TMIE: variants seen among roughly 807,000 people sequenced by gnomAD.
TMIE encodes transmembrane inner ear, also known as transmembrane inner ear expressed protein.
Under a neutral mutation model 16.8 loss-of-function variants are expected in TMIE, and 14 were observed. The observed-to-expected ratio is 0.83, with a 90% CI of 0.55 to 1.30. The LOEUF (loss-of-function observed/expected upper bound fraction) is 1.30, where lower values mean the gene tolerates loss of function less well. TMIE is among the 50% of genes most tolerant of loss of function. The pLI is 0.00. For missense variants in TMIE, 204 were observed against 205.9 expected, an observed-to-expected ratio of 0.99 and a Z score of 0.06; for synonymous variants, 75 against 87.2, an observed-to-expected ratio of 0.86 and a Z score of 0.78.
At chr3:46,705,705 G>T in intron 1 of TMIE, 85 bp from the exon 2 acceptor site, 1 of 1,121,806 alleles carries the variant, frequency 8.9e-7, no homozygotes. Flanking sequence ...CTTGGGCTGA[G>T]TGTTTGCTGA....
chr3:46,705,749 T>C, intron 1 of TMIE, 41 bp from the exon 2 acceptor site: 1 of 1,583,264 alleles, frequency 6.3e-7, no homozygotes, highest in East Asian at 2.2e-5. Flanking sequence ...TCCAGCCAGC[T>C]GGCCTCTGCC....
At chr3:46,703,296 C>A (rs1392499579) in intron 1 of TMIE, among the ~76,000 whole-genome samples, 3 of 150,674 alleles carry the variant, frequency 2.0e-5, no homozygotes, top group African/African-American at 7.5e-5. Flanking sequence ...CCACCCAAGA[C>A]CCCTATCAGT....
Position 46,705,792 on chromosome 3 carries a change from C to T in TMIE, c.96C>T (p.Pro32=), listed in dbSNP as rs1388486816. 1 of 1,613,850 alleles carries T rather than the reference C, an allele frequency of 6.2e-7. No homozygotes were observed. The highest frequency in any genetic ancestry group is 1.1e-5 in the South Asian group (1 of 91,072). The part of the protein sequence containing the change: ...LAGVAGQLVE[P]STAPPKPKPP... ...CTCCCCTCTCTCCTGACCCACAGCC[C>T]AGCACGGCCCCACCCAAGCCCAAGC... The change falls in exon 2 of 4, where the codon CCC becomes CCT. Residue 32 remains proline (P), a splice_region_variant and synonymous_variant. Transcript: ENST00000643606.
At chr3:46,705,475 G>A (rs545923757) in intron 1 of TMIE, among the ~76,000 whole-genome samples, 7 of 152,182 alleles carry the variant, frequency 4.6e-5, no homozygotes, top group Non-Finnish European at 8.8e-5. Context: ...TGGAGCCCAG[G>A]ACTGGAGTAG....
chr3:46,703,825 G>A (rs1700507995), intron 1 of TMIE, among the ~76,000 whole-genome samples: 1 of 152,102 alleles, frequency 6.6e-6, no homozygotes, highest in Non-Finnish European at 1.5e-5. Context: ...TTACGGACCT[G>A]GGGGAAGAAG....
chr3:46,697,538 A>G (rs552399517), upstream of TMIE, among the ~76,000 whole-genome samples: 1 of 152,290 alleles, frequency 6.6e-6, no homozygotes, highest in African/African-American at 2.4e-5. Flanking sequence ...CTTCAGCTGT[A>G]TCCTTCGTAA....
chr3:46,696,482 T>G (rs753559900), upstream of TMIE, among the ~76,000 whole-genome samples: 9 of 152,154 alleles, frequency 5.9e-5, no homozygotes, highest in Non-Finnish European at 1.0e-4. Flanking sequence ...CTGGGGCTGA[T>G]GAGGTCAGGG....
chr3:46,701,097 C>A (rs1359046404), upstream of TMIE, among the ~76,000 whole-genome samples: 1 of 151,594 alleles, frequency 6.6e-6, no homozygotes, highest in African/African-American at 2.4e-5. This position sits in a 1 kb window ranked among gnomAD's most constrained non-coding sequence, Gnocchi z 4.3. Flanking sequence ...GAAGGGCCTC[C>A]TAGATCAGCA....
At chr3:46,707,404 A>G (rs1221616075) in intron 2 of TMIE, among the ~76,000 whole-genome samples, 1 of 152,156 alleles carries the variant, frequency 6.6e-6, no homozygotes, top group African/African-American at 2.4e-5. Flanking sequence ...GTCCCAAGAC[A>G]CCTGAGCAGC....
intron 2 of TMIE, among the ~76,000 whole-genome samples, chr3:46,706,556 T>TG (rs1275586339): frequency 6.6e-6 from 1 of 151,958 alleles, no homozygotes; most frequent in Non-Finnish European, 1.5e-5. Flanking sequence ...GAGGCTGCCA[T>TG]GGCACAAAGC....
intron 1 of TMIE, among the ~76,000 whole-genome samples, chr3:46,695,380 T>C (rs377750702): frequency 2.0e-5 from 3 of 152,270 alleles, no homozygotes; most frequent in South Asian, 2.1e-4. Context: ...CTCTGTAACG[T>C]AGTGCCCCTG....
intron 1 of TMIE, among the ~76,000 whole-genome samples, chr3:46,705,235 C>G (rs1700536378): frequency 6.6e-6 from 1 of 152,200 alleles, no homozygotes; most frequent in South Asian, 2.1e-4. Context: ...CAGTGCCTGT[C>G]CTGTGGACAC....
rs1700607130 is a variant in TMIE, at chr3:46,710,394, T to TG, written c.*711dup. The TG allele has an allele frequency of 6.3e-6, 1 of 159,162 alleles. No individual in the cohort carries two copies. Among genetic ancestry groups the TG allele is most frequent in the Non-Finnish European group, 1.4e-5 (1 of 71,946 alleles). 9.9% of individuals were successfully genotyped at this position (159,162 alleles called of 1,614,324 possible). A position where few individuals can be genotyped will look rare whatever the true frequency, so the allele number is the denominator to read the frequency against. ...AGGCCCCGAGGCTCGAGCTCGGGGC[T>TG]GGGGGCTGCAGGGCTGGGTCAGGGG... On this transcript the variant is annotated 3_prime_UTR_variant, in exon 4 of 4. Coordinates refer to ENST00000643606, the MANE Select transcript of TMIE (RefSeq NM_147196.3).
At position 46,705,889 on chromosome 3, in the gene TMIE, C is replaced by G; in HGVS notation, c.193C>G (p.Leu65Val). 1 of 1,614,130 alleles carries G rather than the reference C, an allele frequency of 6.2e-7. No homozygotes were observed. The highest frequency in any genetic ancestry group is 8.5e-7 in the Non-Finnish European group (1 of 1,180,000). Residue 65 changes from leucine to valine, a missense_variant, in exon 2 of 4, where the codon CTC (leucine) becomes GTC (valine). Transcript: ENST00000643606. ...RLWHVVGIFS[L>V]FVLSIIITLC... ...GTGGCACGTGGTGGGCATCTTTTCG[C>G]TCTTCGTGTTGTCCATCAGTGAGTA...
chr3:46,707,301 A>C (rs1206196995), intron 2 of TMIE, among the ~76,000 whole-genome samples: 4 of 152,190 alleles, frequency 2.6e-5, no homozygotes, highest in Non-Finnish European at 2.9e-5. Flanking sequence ...CTGGGGCCAC[A>C]TGAGAAAATT....
intron 1 of TMIE, among the ~76,000 whole-genome samples, chr3:46,702,774 C>A (rs1197230799): frequency 6.6e-6 from 1 of 152,212 alleles, no homozygotes; most frequent in East Asian, 1.9e-4. Context: ...TGTAGCCTGT[C>A]CCTGCTGTTG....
In TMIE at chr3:46,709,727, T is replaced by C. The variant is rs1356375315; in HGVS notation, c.*39T>C. 1 of 1,612,866 alleles carries C rather than the reference T, an allele frequency of 6.2e-7. No individual in the cohort carries two copies. Among genetic ancestry groups the C allele is most frequent in the Non-Finnish European group, 8.5e-7 (1 of 1,179,638 alleles). ...AGCTTGGGCTGGCGGGCCCTGGAGC[T>C]CAAGCCGTGGCCGGGGTCCAGGCAT... On this transcript the variant is annotated 3_prime_UTR_variant, in exon 4 of 4. Coordinates refer to ENST00000643606, the MANE Select transcript of TMIE (RefSeq NM_147196.3).
chr3:46,708,968 G>C (rs556388567), intron 2 of TMIE, among the ~76,000 whole-genome samples, 158 bp from the exon 3 acceptor site: 1 of 152,338 alleles, frequency 6.6e-6, no homozygotes, highest in Non-Finnish European at 1.5e-5. Flanking sequence ...GGTCATCATA[G>C]GGTCCACAGG....
chr3:46,695,414 C>T (rs532268175), intron 1 of TMIE, among the ~76,000 whole-genome samples: 1 of 152,280 alleles, frequency 6.6e-6, no homozygotes, highest in Admixed American at 6.5e-5. Context: ...TTACCTGCGC[C>T]TCCTTCTCGG....
Sources: gnomAD v4.1 joint callset for allele counts (sites outside exome capture counted in the v4.1 genomes callset) on GRCh38, gnomAD v4.1.1 for gene constraint, Gnocchi (gnomAD v3.1) non-coding constraint, MANE v1.5 for transcripts, NCBI Gene and HGNC (gene_info 2026-07-23, HGNC 2026-07-21) for gene names.